The following DNAH5 variants were observed in gnomAD, a reference collection of about 807,000 sequenced individuals.
The protein encoded by DNAH5 is axonemal beta dynein heavy chain 5.
A neutral mutation model predicts 518.2 loss-of-function variants in DNAH5; 372 were observed. That is an observed-to-expected ratio of 0.72 (90% confidence interval 0.66 to 0.78). DNAH5 has a LOEUF of 0.78. Among genes scored for constraint, DNAH5 ranks in the 30% least tolerant of loss-of-function variants. The pLI is 0.00. For missense variants in DNAH5, 5,523 were observed against 5,687.0 expected, an observed-to-expected ratio of 0.97 and a Z score of 0.93; for synonymous variants, 2,039 against 2,025.9, an observed-to-expected ratio of 1.01 and a Z score of -0.17.
At chr5:13,844,371 C>A (rs1765678422) in intron 32 of DNAH5, among the ~76,000 whole-genome samples, 1 of 151,966 alleles carries the variant, frequency 6.6e-6, no homozygotes, top group South Asian at 2.1e-4. Flanking sequence ...TAGTCTCCGT[C>A]AAGTTAAATG....
At chr5:13,798,736 TTTATTTTA>T (rs144177084) in intron 47 of DNAH5, among the ~76,000 whole-genome samples, 37,272 of 108,038 alleles carry the variant, frequency 0.34, 4,932 homozygotes, top group East Asian at 0.48. Context: ...CATGATTTTA[TTTATTTTA>T]TTTATTTATT....
chr5:13,881,324 T>G (rs1771651296), intron 21 of DNAH5, among the ~76,000 whole-genome samples: 1 of 152,016 alleles, frequency 6.6e-6, no homozygotes, highest in South Asian at 2.1e-4. Flanking sequence ...ATATTCCATC[T>G]AACAGAACAG....
At chr5:13,822,925 A>G (rs987234359) in intron 40 of DNAH5, among the ~76,000 whole-genome samples, 1 of 152,192 alleles carries the variant, frequency 6.6e-6, no homozygotes, top group African/African-American at 2.4e-5. Flanking sequence ...GAAACAAGCT[A>G]AGCCAAGCTC....
At chr5:13,897,049 T>C (rs1309504918) in intron 15 of DNAH5, among the ~76,000 whole-genome samples, 1 of 152,178 alleles carries the variant, frequency 6.6e-6, no homozygotes, top group East Asian at 1.9e-4. Context: ...TCTTGGGTGG[T>C]CACAGCTAAT....
upstream of DNAH5, among the ~76,000 whole-genome samples, chr5:13,947,903 T>C (rs944117473): frequency 6.6e-6 from 1 of 152,224 alleles, no homozygotes; most frequent in African/African-American, 2.4e-5. Context: ...CTTTACCATA[T>C]TGAAATGTGG....
intron 47 of DNAH5, among the ~76,000 whole-genome samples, 159 bp downstream of exon 47, chr5:13,807,432 T>C (rs923469193): frequency 2.0e-5 from 3 of 152,256 alleles, no homozygotes; most frequent in Non-Finnish European, 4.4e-5. Context: ...AGGGAAACTA[T>C]TGCAGTTGAA....
At chr5:13,826,855 A>ATC (rs1762953491) in intron 38 of DNAH5, among the ~76,000 whole-genome samples, 1 of 152,220 alleles carries the variant, frequency 6.6e-6, no homozygotes, top group African/African-American at 2.4e-5. Context: ...AAGACTGAAG[A>ATC]AATGTGGGAA....
At chr5:13,693,636 T>G (rs1245365102) in intron 78 of DNAH5, among the ~76,000 whole-genome samples, 1 of 152,212 alleles carries the variant, frequency 6.6e-6, no homozygotes, top group Non-Finnish European at 1.5e-5. Flanking sequence ...GCTGACATCT[T>G]CAGGAATAGA....
At chr5:13,816,712 T>C (rs1317543626) in intron 42 of DNAH5, among the ~76,000 whole-genome samples, 6 of 152,232 alleles carry the variant, frequency 3.9e-5, no homozygotes, top group Non-Finnish European at 8.8e-5. Flanking sequence ...CTTTTTTAAA[T>C]GAAGCATTTT....
At chr5:13,972,763 T>C (rs755500037) in intron 1 of DNAH5, among the ~76,000 whole-genome samples, 3 of 152,192 alleles carry the variant, frequency 2.0e-5, no homozygotes, top group Non-Finnish European at 4.4e-5. Flanking sequence ...GGGATGTTCC[T>C]GCAGTAGTTC....
At chr5:13,715,580 T>C (rs1744184204) in intron 74 of DNAH5, among the ~76,000 whole-genome samples, 1 of 152,348 alleles carries the variant, frequency 6.6e-6, no homozygotes. Context: ...AATATACTGA[T>C]AAATTTAGCC....
intron 17 of DNAH5, among the ~76,000 whole-genome samples, chr5:13,889,504 C>T (rs1038955558): frequency 6.8e-6 from 1 of 147,640 alleles, no homozygotes; most frequent in South Asian, 2.1e-4. Flanking sequence ...GTCCCTTGGC[C>T]GGCGTCTGGA....
At chr5:13,709,930 C>A (rs115960876) in intron 75 of DNAH5, among the ~76,000 whole-genome samples, 4,629 of 152,198 alleles carry the variant, frequency 0.03, 220 homozygotes, top group African/African-American at 0.098. Flanking sequence ...TAGGGCCCTG[C>A]CTATTGCCGG....
At chr5:13,736,768 C>T (rs957187917) in intron 66 of DNAH5, among the ~76,000 whole-genome samples, 2 of 152,056 alleles carry the variant, frequency 1.3e-5, no homozygotes, top group Non-Finnish European at 2.9e-5. Context: ...AAAAGATAGC[C>T]GATCCAACTG....
At position 13,716,477 on chromosome 5, in the gene DNAH5, G is replaced by C; in HGVS notation, c.12909+10C>G. 6.2e-7 allele frequency: 1 copy of C among 1,608,922 alleles called. No individual in the cohort carries two copies. The highest frequency in any genetic ancestry group is 8.5e-7 in the Non-Finnish European group (1 of 1,175,680). On this transcript the variant is annotated intron_variant, in intron 74 of 78. Transcript: ENST00000265104. ...TTTGCTCTATGCATAAAATTCTGAA[G>C]TTGACAAACCTGGATATACTGAAGA...
At chr5:13,976,350 C>T (rs1782241053) in intron 1 of DNAH5, among the ~76,000 whole-genome samples, 2 of 152,278 alleles carry the variant, frequency 1.3e-5, no homozygotes, top group South Asian at 2.1e-4. Context: ...AAATTGTACA[C>T]TATACTGAGT....
At chr5:13,793,471 G>T (rs1451361749) in intron 49 of DNAH5, 44 bp downstream of exon 49, 7 of 1,530,872 alleles carry the variant, frequency 4.6e-6, no homozygotes, top group South Asian at 4.5e-5. Context: ...ACCCAAGCAG[G>T]TGTTCTTCCT....
At chr5:13,733,319 T>C (rs1746874135) in intron 68 of DNAH5, among the ~76,000 whole-genome samples, 1 of 152,206 alleles carries the variant, frequency 6.6e-6, no homozygotes, top group African/African-American at 2.4e-5. Flanking sequence ...TGTGAGATGC[T>C]TCACAGTATT....
chr5:13,735,260 C>G lies in DNAH5; in HGVS notation c.11632G>C (p.Glu3878Gln). 6.2e-7 allele frequency: 1 copy of G among 1,614,094 alleles called. No individual in the cohort carries two copies. Residue 3878 changes from glutamate (E) to glutamine (Q), a missense_variant, in exon 68 of 79, where the codon GAG (glutamate) becomes CAG (glutamine). Around this residue, in one of 3 missense-constraint regions of DNAH5, gnomAD observed 5,121 missense variants for 5,223.3 expected, o/e 0.98. Coordinates refer to ENST00000265104, the MANE Select transcript of DNAH5 (RefSeq NM_001369.3). ...IANIIEHMTY[E>Q]VYKYAARGLY... ...CCTCGGGCAGCATACTTATAAACCT[C>G]GTAGGTCATGTGCTCGATGATATTA...
Sources: gnomAD v4.1 joint callset for allele counts (sites outside exome capture counted in the v4.1 genomes callset) on GRCh38, gnomAD v4.1.1 for gene constraint, gnomAD v4.1.1 regional missense constraint, MANE v1.5 for transcripts, NCBI Gene and HGNC (gene_info 2026-07-23, HGNC 2026-07-21) for gene names.